Variants in CAMKMT observed in about 807,000 individuals in gnomAD.
The protein encoded by CAMKMT is calmodulin-lysine N-methyltransferase.
CAMKMT carries 53 observed loss-of-function variants against 48.0 expected under a neutral mutation model. The ratio of observed to expected loss-of-function variants is 1.10; its 90% CI spans 0.89 to 1.39. CAMKMT has a LOEUF of 1.39. Ranked by LOEUF, CAMKMT falls within the 40% of genes most tolerant of loss-of-function variation. The pLI, the probability that CAMKMT is intolerant of heterozygous loss-of-function variation, is 0.00. For missense variants in CAMKMT, 428 were observed against 402.7 expected (o/e 1.06, Z -0.54); for synonymous variants, 165 against 152.3 (o/e 1.08, Z -0.61).
intron 1 of CAMKMT, 66 bp downstream of exon 1, chr2:44,362,211 G>C: frequency 7.4e-7 from 1 of 1,342,612 alleles, no homozygotes; most frequent in Non-Finnish European, 9.7e-7. Context: ...CCGGGGGAGC[G>C]ACTGTTCGCA....
intron 3 of CAMKMT, among the ~76,000 whole-genome samples, chr2:44,542,527 A>T (rs1272935929): frequency 3.4e-5 from 3 of 87,510 alleles, no homozygotes; most frequent in African/African-American, 6.7e-5. Context: ...ACACACACAC[A>T]CACACACACA....
intron 3 of CAMKMT, among the ~76,000 whole-genome samples, chr2:44,596,552 A>T (rs769105037): frequency 6.6e-6 from 1 of 152,200 alleles, no homozygotes; most frequent in African/African-American, 2.4e-5. Context: ...AGAAATCTCT[A>T]ACAAGCCCCC....
intron 3 of CAMKMT, among the ~76,000 whole-genome samples, chr2:44,669,924 C>A (rs1675232916): frequency 6.6e-6 from 1 of 152,130 alleles, no homozygotes; most frequent in Admixed American, 6.5e-5. Flanking sequence ...AGGTGTGAGT[C>A]CCTGTGCCTG....
At chr2:44,725,436 T>A (rs947307126) in intron 7 of CAMKMT, among the ~76,000 whole-genome samples, 1 of 152,152 alleles carries the variant, frequency 6.6e-6, no homozygotes, top group African/African-American at 2.4e-5. Flanking sequence ...AAGCTCAAGA[T>A]GTCCAGACAA....
In CAMKMT at chr2:44,563,934, A is replaced by G. The variant is rs576856143; in HGVS notation, c.377-140349A>G. On this transcript the variant is annotated intron_variant, in intron 3 of 10. Transcript: ENST00000378494. ...TATTGTGAATAGTGCCGCAATGAAC[A>G]TACATGTGCATATGTCTTTATAGCC... Among the ~76,000 whole-genome samples, 57 of 152,294 alleles carry G rather than the reference A, an allele frequency of 3.7e-4. 1 individual carries two copies. The highest frequency in any genetic ancestry group is 1.0e-3 in the South Asian group (5 of 4,820).
intron 3 of CAMKMT, among the ~76,000 whole-genome samples, chr2:44,403,457 T>C (rs1357623620): frequency 6.6e-6 from 1 of 152,222 alleles, no homozygotes; most frequent in African/African-American, 2.4e-5. Flanking sequence ...TCTAATTGTT[T>C]TGTAAGTAGA....
intron 3 of CAMKMT, among the ~76,000 whole-genome samples, chr2:44,625,029 T>C (rs984154370): frequency 2.6e-5 from 4 of 152,122 alleles, no homozygotes; most frequent in African/African-American, 9.7e-5. Context: ...TGGCTGGGTT[T>C]TATGGTATGT....
intron 3 of CAMKMT, among the ~76,000 whole-genome samples, chr2:44,497,741 G>C (rs904947571): frequency 6.6e-6 from 1 of 150,992 alleles, no homozygotes; most frequent in Admixed American, 6.6e-5. Flanking sequence ...GAGAGAGAGA[G>C]AGGGATAGTA....
chr2:44,561,222 G>A (rs1207785164), intron 3 of CAMKMT, among the ~76,000 whole-genome samples: 1 of 151,976 alleles, frequency 6.6e-6, no homozygotes, highest in African/African-American at 2.4e-5. Context: ...CATACTCCTG[G>A]TGAGGTGAAG....
intron 3 of CAMKMT, among the ~76,000 whole-genome samples, chr2:44,594,447 C>T (rs1670523061): frequency 6.6e-6 from 1 of 152,214 alleles, no homozygotes; most frequent in African/African-American, 2.4e-5. Flanking sequence ...CAGCATGGTA[C>T]TGGTACCAAA....
At chr2:44,467,560 A>C (rs556335899) in intron 3 of CAMKMT, among the ~76,000 whole-genome samples, 9 of 151,994 alleles carry the variant, frequency 5.9e-5, no homozygotes, top group Non-Finnish European at 1.0e-4. Flanking sequence ...ACAAAAAAAA[A>C]CAAAGCCAAA....
At chr2:44,507,073 CT>C (rs11379200) in intron 3 of CAMKMT, among the ~76,000 whole-genome samples, 24 of 149,310 alleles carry the variant, frequency 1.6e-4, no homozygotes, top group East Asian at 9.8e-4. Flanking sequence ...TTTGTGCAAT[CT>C]TTTTTTTTTT....
At chr2:44,448,676 T>C (rs1303372005) in intron 3 of CAMKMT, among the ~76,000 whole-genome samples, 1 of 152,208 alleles carries the variant, frequency 6.6e-6, no homozygotes, top group African/African-American at 2.4e-5. Context: ...AATTCACCTC[T>C]GTAAACATAT....
At chr2:44,621,232 A>C (rs896368433) in intron 3 of CAMKMT, among the ~76,000 whole-genome samples, 2 of 134,384 alleles carry the variant, frequency 1.5e-5, no homozygotes, top group Non-Finnish European at 3.1e-5. Context: ...GCACCACTGC[A>C]CTCCAGCCTG....
chr2:44,436,372 C>T (rs940748062), intron 3 of CAMKMT, among the ~76,000 whole-genome samples: 2 of 152,078 alleles, frequency 1.3e-5, no homozygotes, highest in African/African-American at 2.4e-5. Context: ...GCCCCTGGTC[C>T]GGCCAAACTC....
At chr2:44,701,266 T>A (rs1677243072) in intron 3 of CAMKMT, among the ~76,000 whole-genome samples, 1 of 152,238 alleles carries the variant, frequency 6.6e-6, no homozygotes, top group Non-Finnish European at 1.5e-5. Flanking sequence ...AGGGTTCCAA[T>A]TTCTCCACAT....
At chr2:44,675,587 CT>C (rs1301772109) in intron 3 of CAMKMT, among the ~76,000 whole-genome samples, 2 of 152,156 alleles carry the variant, frequency 1.3e-5, no homozygotes, top group African/African-American at 4.8e-5. Context: ...TTTCAAACGT[CT>C]TTTATTGTCA....
At chr2:44,476,444 C>T (rs1366236477) in intron 3 of CAMKMT, among the ~76,000 whole-genome samples, 1 of 151,980 alleles carries the variant, frequency 6.6e-6, no homozygotes, top group Non-Finnish European at 1.5e-5. Flanking sequence ...TTTCTAGCTC[C>T]TGAGTCCTTT....
At chr2:44,520,979 C>A (rs538511573) in intron 3 of CAMKMT, among the ~76,000 whole-genome samples, 1 of 152,306 alleles carries the variant, frequency 6.6e-6, no homozygotes, top group African/African-American at 2.4e-5. Context: ...GCCAATTAAA[C>A]CTCTTTTCTT....
Sources: gnomAD v4.1 joint callset for allele counts (sites outside exome capture counted in the v4.1 genomes callset) on GRCh38, gnomAD v4.1.1 for gene constraint, MANE v1.5 for transcripts, NCBI Gene and HGNC (gene_info 2026-07-23, HGNC 2026-07-21) for gene names.